TGFA: variants seen among roughly 807,000 people sequenced by gnomAD.
TGFA encodes the protein protransforming growth factor alpha.
TGFA carries 12 observed loss-of-function variants against 21.7 expected under a neutral mutation model. The observed-to-expected ratio is 0.55, with a 90% CI of 0.35 to 0.90. The LOEUF (loss-of-function observed/expected upper bound fraction) is 0.90. Among genes scored for constraint, TGFA ranks in the 40% least tolerant of loss-of-function variants. The probability of loss-of-function intolerance (pLI) is 0.01; values close to 1 mark genes in which losing one functional copy is unlikely to be tolerated. For missense variants in TGFA, 178 were observed against 210.8 expected (o/e 0.84, Z 0.96); for synonymous variants, 79 against 88.1 (o/e 0.90, Z 0.58).
intron 2 of TGFA, among the ~76,000 whole-genome samples, chr2:70,470,002 A>G (rs1670687428): frequency 6.6e-6 from 1 of 152,184 alleles, no homozygotes; most frequent in Non-Finnish European, 1.5e-5. Flanking sequence ...AGGTACCATA[A>G]AAAGGCAATG....
rs1669956783 is a variant in TGFA at position 70,448,619 on chromosome 2, A to G, written c.*2240T>C. On this transcript the variant is annotated 3_prime_UTR_variant, in exon 6 of 6. Coordinates refer to ENST00000295400, the MANE Select transcript of TGFA (RefSeq NM_003236.4). ...TTGATTTCTAGAAGAAAAATCCCCA[A>G]ATAAGCCAGGCTGTTCTATCCTGAG... 2 of 152,226 alleles carry G rather than the reference A, an allele frequency of 1.3e-5. No homozygotes were observed. The highest frequency in any genetic ancestry group is 2.1e-4 in the South Asian group (1 of 4,834). The allele number at this position is 152,226 out of a possible 1,614,324, so 9.4% of individuals were successfully genotyped here. A position where few individuals can be genotyped will look rare whatever the true frequency, so the allele number is the denominator to read the frequency against.
At chr2:70,480,108 A>G (rs1022160575) in intron 2 of TGFA, among the ~76,000 whole-genome samples, 16 of 152,234 alleles carry the variant, frequency 1.1e-4, no homozygotes, top group Non-Finnish European at 4.4e-5. Context: ...AGCGCCTTCA[A>G]ATACCTAAGA....
chr2:70,501,569 C>T lies in TGFA; in HGVS notation c.94+13290G>A, dbSNP rs1482448804. Among the ~76,000 whole-genome samples the T allele has an allele frequency of 3.3e-5, 5 of 152,174 alleles. No homozygotes were observed. In the East Asian group the frequency reaches 9.6e-4, roughly 29 times the overall value. On this transcript the variant is annotated intron_variant, in intron 2 of 5. Transcript: ENST00000295400. ...AAGAGCCCTTCAGTATAATAATACCCTGTTACTCCAGGGTACCGAAGAACT... is the reference window on the plus strand; with the variant it reads ...AAGAGCCCTTCAGTATAATAATACCTTGTTACTCCAGGGTACCGAAGAACT...
intron 2 of TGFA, among the ~76,000 whole-genome samples, chr2:70,483,555 A>G (rs1204120625): frequency 6.6e-6 from 1 of 152,150 alleles, no homozygotes; most frequent in Non-Finnish European, 1.5e-5. Flanking sequence ...TGTTTGTTTT[A>G]TTCTTTTTGA....
rs1439459876 is a variant in TGFA, at chr2:70,528,256, G to T, written c.41-13344C>A. Among the ~76,000 whole-genome samples the T allele has an allele frequency of 3.3e-5, 5 of 152,150 alleles. No individual in the cohort carries two copies. In the East Asian group the frequency reaches 9.6e-4, roughly 29 times the overall value. ...TATTTTGAACAATTGCTCATTAATT[G>T]TAACAAACATACTACACCAATATCA... On this transcript the variant is annotated intron_variant, in intron 1 of 5. Coordinates refer to ENST00000295400, the MANE Select transcript of TGFA (RefSeq NM_003236.4).
At chr2:70,527,744 T>G (rs927500589) in intron 1 of TGFA, among the ~76,000 whole-genome samples, 1 of 152,192 alleles carries the variant, frequency 6.6e-6, no homozygotes, top group African/African-American at 2.4e-5. Flanking sequence ...TCTCTGTGCT[T>G]TCTGCTCAAT....
chr2:70,492,237 C>T (rs1671457934), intron 2 of TGFA, among the ~76,000 whole-genome samples: 1 of 152,156 alleles, frequency 6.6e-6, no homozygotes, highest in Non-Finnish European at 1.5e-5. Flanking sequence ...GCGAGCTACC[C>T]CATAACCTAT....
chr2:70,504,469 C>CATATATATATATAT lies in TGFA; in HGVS notation c.94+10389_94+10390insATATATATATATAT, dbSNP rs1230209696. Among the ~76,000 whole-genome samples the CATATATATATATAT allele has an allele frequency of 6.3e-4, 51 of 80,640 alleles. 1 individual carries two copies. The Middle Eastern group carries it at 0.023, about 36-fold the overall frequency. The allele number at this position is 80,640 out of a possible 152,430, so 52.9% of individuals were successfully genotyped here. A position where few individuals can be genotyped will look rare whatever the true frequency, so the allele number is the denominator to read the frequency against. On this transcript the variant is annotated intron_variant, in intron 2 of 5. Coordinates refer to ENST00000295400, the MANE Select transcript of TGFA (RefSeq NM_003236.4). ...ATATATATATATATATATATACACA[C>CATATATATATATAT]ATACATACATACATACACACACACA...
chr2:70,534,680 C>T (rs1672919707), intron 1 of TGFA, among the ~76,000 whole-genome samples: 1 of 146,264 alleles, frequency 6.8e-6, no homozygotes, highest in African/African-American at 2.7e-5. Context: ...AGGGAAAAAA[C>T]CACTCTACCA....
chr2:70,455,746 G>A (rs147994636), intron 4 of TGFA, among the ~76,000 whole-genome samples: 166 of 152,330 alleles, frequency 1.1e-3, no homozygotes, highest in African/African-American at 3.7e-3. Flanking sequence ...GTCAGGAGAT[G>A]TGGGCAAGCA....
At chr2:70,553,036 C>T (rs1416939210) in intron 1 of TGFA, 1 of 887,390 alleles carries the variant, frequency 1.1e-6, no homozygotes, top group Non-Finnish European at 1.7e-6. Flanking sequence ...CCTTTCCCAT[C>T]CCTCCTTCAT....
At chr2:70,494,958 T>G (rs970871755) in intron 2 of TGFA, among the ~76,000 whole-genome samples, 1 of 152,240 alleles carries the variant, frequency 6.6e-6, no homozygotes, top group Non-Finnish European at 1.5e-5. Context: ...ATTATAATTT[T>G]TATGTCTCTA....
chr2:70,494,691 AATG>A (rs1162492551), intron 2 of TGFA, among the ~76,000 whole-genome samples: 47 of 152,328 alleles, frequency 3.1e-4, no homozygotes, highest in African/African-American at 1.1e-3. Context: ...GACCAATGAA[AATG>A]ATATTTCATT....
chr2:70,482,001 C>A (rs942490203), intron 2 of TGFA, among the ~76,000 whole-genome samples: 1 of 152,154 alleles, frequency 6.6e-6, no homozygotes, highest in African/African-American at 2.4e-5. Flanking sequence ...TTGCTTTAAG[C>A]TACTAAATTT....
At chr2:70,533,371 A>G (rs147822833) in intron 1 of TGFA, among the ~76,000 whole-genome samples, 38 of 152,012 alleles carry the variant, frequency 2.5e-4, no homozygotes, top group African/African-American at 7.2e-4. Flanking sequence ...AAGCACATCA[A>G]TCAGGTGAGG....
At chr2:70,553,362 C>T (rs1340961594) in intron 1 of TGFA, 4 of 1,466,372 alleles carry the variant, frequency 2.7e-6, no homozygotes, top group African/African-American at 2.9e-5. Context: ...ACGCCAGCGA[C>T]GCCGGCTGAG....
rs561075100 is a variant in TGFA at position 70,551,276 on chromosome 2, C to T, written c.40+2452G>A. 1.4e-4 allele frequency among the ~76,000 whole-genome samples: 21 copies of T among 152,328 alleles called. No individual in the cohort carries two copies. The South Asian group carries it at 1.7e-3, about 12-fold the overall frequency. ...AATGTAACTGGAAATGCCAAGCCCC[C>T]GTGCGGTCTGCCTGCCAGTGATGGA... is the stretch of plus-strand genomic sequence containing the variant. On this transcript the variant is annotated intron_variant, in intron 1 of 5. Coordinates refer to ENST00000295400, the MANE Select transcript of TGFA (RefSeq NM_003236.4).
intron 2 of TGFA, among the ~76,000 whole-genome samples, chr2:70,512,637 C>T (rs1476568935): frequency 6.6e-6 from 1 of 152,230 alleles, no homozygotes; most frequent in African/African-American, 2.4e-5. Flanking sequence ...GAATAGTCCC[C>T]TTCTGGACAA....
At chr2:70,513,990 C>G (rs1444228595) in intron 2 of TGFA, among the ~76,000 whole-genome samples, 3 of 152,162 alleles carry the variant, frequency 2.0e-5, no homozygotes, top group Non-Finnish European at 4.4e-5. Context: ...ATTCCTGTTT[C>G]CGGAGACACA....
Sources: gnomAD v4.1 joint callset for allele counts (sites outside exome capture counted in the v4.1 genomes callset) on GRCh38, gnomAD v4.1.1 for gene constraint, MANE v1.5 for transcripts, NCBI Gene and HGNC (gene_info 2026-07-23, HGNC 2026-07-21) for gene names.